EFCAB6: variants seen among roughly 807,000 people sequenced by gnomAD.
EFCAB6 encodes the protein EF-hand calcium binding domain 6.
In EFCAB6, 156 loss-of-function variants were observed where a neutral mutation model predicts 169.8. The ratio of observed to expected loss-of-function variants is 0.92; its 90% CI spans 0.81 to 1.05. EFCAB6 has a LOEUF of 1.05. Among genes scored for constraint, EFCAB6 ranks in the 50% least tolerant of loss-of-function variants. EFCAB6 has a pLI of 0.00. For synonymous variants in EFCAB6, 698 were observed against 676.4 expected (o/e 1.03, Z -0.50); for missense variants, 1,800 against 1,829.1 (o/e 0.98, Z 0.29).
intron 6 of EFCAB6, among the ~76,000 whole-genome samples, chr22:43,737,833 TCA>T (rs199744150): frequency 0.088 from 12,298 of 140,384 alleles, 637 homozygotes; most frequent in East Asian, 0.22. Flanking sequence ...ACACCATTAC[TCA>T]CACACATATA....
At chr22:43,747,599 G>A (rs1243180707) in intron 6 of EFCAB6, among the ~76,000 whole-genome samples, 3 of 152,284 alleles carry the variant, frequency 2.0e-5, no homozygotes, top group African/African-American at 2.4e-5. Context: ...GAGTGCCTAC[G>A]TCCTCCCCGT....
intron 19 of EFCAB6, among the ~76,000 whole-genome samples, chr22:43,630,537 G>C (rs1389501078): frequency 6.6e-6 from 1 of 152,234 alleles, no homozygotes; most frequent in Non-Finnish European, 1.5e-5. Context: ...GAAGAGAGGA[G>C]AGAGTCTGAG....
At chr22:43,718,418 C>T (rs542055276) in intron 8 of EFCAB6, among the ~76,000 whole-genome samples, 21 of 152,060 alleles carry the variant, frequency 1.4e-4, no homozygotes, top group Non-Finnish European at 2.6e-4. Context: ...TTTCCTAGCT[C>T]CAAAAAAGAG....
At chr22:43,561,841 C>A (rs762706939) in intron 26 of EFCAB6, among the ~76,000 whole-genome samples, 5 of 152,104 alleles carry the variant, frequency 3.3e-5, no homozygotes, top group Admixed American at 6.5e-5. Context: ...AAAAAGACAC[C>A]ACTATCTTCA....
At chr22:43,548,587 G>C (rs2048210099) in intron 27 of EFCAB6, among the ~76,000 whole-genome samples, 1 of 139,890 alleles carries the variant, frequency 7.1e-6, no homozygotes, top group African/African-American at 2.7e-5. Context: ...CTCAGTAGGA[G>C]GCTATAAGAG....
intron 2 of EFCAB6, among the ~76,000 whole-genome samples, chr22:43,801,664 CT>C (rs2062720733): frequency 6.6e-6 from 1 of 151,870 alleles, no homozygotes; most frequent in Admixed American, 6.5e-5. Flanking sequence ...GAGCTGTCAT[CT>C]TTTTAAAATA....
intron 2 of EFCAB6, among the ~76,000 whole-genome samples, chr22:43,787,345 C>T (rs937855371): frequency 1.1e-5 from 1 of 92,330 alleles, no homozygotes; most frequent in Admixed American, 1.3e-4. Context: ...GACAGATACA[C>T]ACATATGCAC....
At chr22:43,675,057 A>G (rs1388330439) in intron 13 of EFCAB6, among the ~76,000 whole-genome samples, 1 of 151,982 alleles carries the variant, frequency 6.6e-6, no homozygotes, top group African/African-American at 2.4e-5. Context: ...GGGTACAGCC[A>G]ACACCAACTG....
intron 8 of EFCAB6, among the ~76,000 whole-genome samples, chr22:43,719,324 G>A (rs550150250): frequency 1.3e-5 from 2 of 152,320 alleles, no homozygotes; most frequent in African/African-American, 4.8e-5. Flanking sequence ...GTGAAACTGG[G>A]TGGAGAAGCA....
chr22:43,687,078 T>C (rs2058224134), intron 11 of EFCAB6, among the ~76,000 whole-genome samples: 1 of 152,238 alleles, frequency 6.6e-6, no homozygotes, highest in African/African-American at 2.4e-5. Context: ...CCTTTCCATG[T>C]AACACCTAAC....
At chr22:43,555,391 G>A (rs1477526233) in intron 26 of EFCAB6, among the ~76,000 whole-genome samples, 8 of 152,200 alleles carry the variant, frequency 5.3e-5, no homozygotes, top group East Asian at 1.9e-4. Flanking sequence ...AGGGCACACC[G>A]TTTACTCTCA....
intron 9 of EFCAB6, among the ~76,000 whole-genome samples, chr22:43,712,432 T>C (rs1232563933): frequency 6.6e-6 from 1 of 152,114 alleles, no homozygotes; most frequent in African/African-American, 2.4e-5. Flanking sequence ...AACATGGAAA[T>C]ATATGTATAA....
intron 6 of EFCAB6, among the ~76,000 whole-genome samples, chr22:43,736,541 G>C (rs1320312856): frequency 6.6e-6 from 1 of 152,014 alleles, no homozygotes; most frequent in Non-Finnish European, 1.5e-5. Context: ...TGGATCTGCA[G>C]GGAGCACCCA....
At chr22:43,774,616 C>T (rs1351212840) in intron 3 of EFCAB6, among the ~76,000 whole-genome samples, 1 of 151,638 alleles carries the variant, frequency 6.6e-6, no homozygotes, top group Non-Finnish European at 1.5e-5. Context: ...AGTGTGGAGA[C>T]AGGCATTAGG....
chr22:43,669,854 GTTTTCTGTTAACAC>G (rs2057412123), intron 15 of EFCAB6, among the ~76,000 whole-genome samples: 1 of 152,180 alleles, frequency 6.6e-6, no homozygotes, highest in Non-Finnish European at 1.5e-5. Flanking sequence ...GCCAGAACTA[GTTTTCTGTTAACAC>G]TGAGGTGTGA....
chr22:43,632,473 T>A (rs1442753438), intron 18 of EFCAB6, among the ~76,000 whole-genome samples: 1 of 152,090 alleles, frequency 6.6e-6, no homozygotes, highest in African/African-American at 2.4e-5. Flanking sequence ...CTAATTTTTG[T>A]ACTTTTGGTA....
chr22:43,623,024 CAAT>C (rs1178391558), intron 20 of EFCAB6, among the ~76,000 whole-genome samples: 1 of 152,126 alleles, frequency 6.6e-6, no homozygotes, highest in African/African-American at 2.4e-5. Flanking sequence ...AGAGATTTCA[CAAT>C]GATGAGATGA....
At chr22:43,715,026 G>A (rs2059284834) in intron 9 of EFCAB6, among the ~76,000 whole-genome samples, 1 of 152,204 alleles carries the variant, frequency 6.6e-6, no homozygotes, top group South Asian at 2.1e-4. Flanking sequence ...GTGGGAGGTA[G>A]GCGTAGGAAG....
intron 2 of EFCAB6, among the ~76,000 whole-genome samples, chr22:43,784,716 C>CATAT (rs1445484512): frequency 1.6e-5 from 2 of 125,496 alleles, no homozygotes; most frequent in African/African-American, 6.1e-5. Context: ...CACACACACA[C>CATAT]ACATATATAT....
Sources: gnomAD v4.1 joint callset for allele counts (sites outside exome capture counted in the v4.1 genomes callset) on GRCh38, gnomAD v4.1.1 for gene constraint, MANE v1.5 for transcripts, NCBI Gene and HGNC (gene_info 2026-07-23, HGNC 2026-07-21) for gene names.